Variants in RGS3 observed in about 807,000 individuals in gnomAD.
RGS3 encodes the protein regulator of G-protein signalling 3.
In RGS3, 80 loss-of-function variants were observed where a neutral mutation model predicts 132.6. The observed-to-expected ratio is 0.60, with a 90% CI of 0.50 to 0.73. The LOEUF is 0.73. Ranked by LOEUF, RGS3 falls within the 30% of genes least tolerant of loss-of-function variation. The pLI is 0.00. For synonymous variants in RGS3, 598 were observed against 620.6 expected (o/e 0.96, Z 0.54); for missense variants, 1,382 against 1,530.8 (o/e 0.90, Z 1.62).
chr9:113,569,892 G>A (rs1051371054), intron 19 of RGS3, among the ~76,000 whole-genome samples: 2 of 152,098 alleles, frequency 1.3e-5, no homozygotes, highest in African/African-American at 2.4e-5. Context: ...GCATGTGATT[G>A]TACAGATGCT....
chr9:113,511,355 T>G (rs952236275), intron 14 of RGS3, among the ~76,000 whole-genome samples: 5 of 151,688 alleles, frequency 3.3e-5, no homozygotes, highest in Admixed American at 2.6e-4. Context: ...AGTAAATGAG[T>G]TTGCCTTCAC....
At chr9:113,540,566 A>G (rs1832860286) in intron 19 of RGS3, among the ~76,000 whole-genome samples, 1 of 152,144 alleles carries the variant, frequency 6.6e-6, no homozygotes. Context: ...AGTACCCTTC[A>G]TGTGCCTGGT....
intron 7 of RGS3, among the ~76,000 whole-genome samples, chr9:113,494,062 A>G (rs1251884449): frequency 5.3e-5 from 8 of 152,098 alleles, no homozygotes; most frequent in Non-Finnish European, 7.4e-5. Context: ...TTCTTGATTA[A>G]TAGTTATTAA....
intron 17 of RGS3, among the ~76,000 whole-genome samples, chr9:113,525,503 C>T (rs148776652): frequency 7.9e-5 from 12 of 152,228 alleles, no homozygotes; most frequent in African/African-American, 2.9e-4. Flanking sequence ...TTAAGGGATG[C>T]ATTTGGGACC....
Position 113,591,361 on chromosome 9 carries a change from A to G in RGS3, c.3044A>G (p.Asp1015Gly). ...AGCGGGGCTGACACCGTTGGGGATG[A>G]TGACGAAGCCTCCCGGAAGAGAAAG... is the stretch of plus-strand genomic sequence containing the variant. The change falls in exon 21 of 25, where the codon GAT becomes GGT. Residue 1015 changes from aspartate (D) to glycine (G), a missense_variant. Asp to Gly is a moderately conservative substitution (Grantham distance 94). Transcript: ENST00000350696. This position sits in a 1 kb window ranked among gnomAD's most constrained non-coding sequence, Gnocchi z 4.4. 1.2e-6 allele frequency: 2 copies of G among 1,613,710 alleles called. No individual in the cohort carries two copies. Among genetic ancestry groups the G allele is most frequent in the East Asian group, 2.2e-5 (1 of 44,880 alleles).
intron 11 of RGS3, 37 bp downstream of exon 9, chr9:113,505,560 CCACCA>C: frequency 3.9e-6 from 6 of 1,540,374 alleles, no homozygotes; most frequent in Non-Finnish European, 5.4e-6. Flanking sequence ...CCCCACTTGC[CCACCA>C]CACATGTGGG....
At chr9:113,542,913 C>T (rs1330107298) in intron 19 of RGS3, among the ~76,000 whole-genome samples, 1 of 152,194 alleles carries the variant, frequency 6.6e-6, no homozygotes, top group East Asian at 1.9e-4. Context: ...CTGGGGGTGG[C>T]CTAGCAGCTC....
Position 113,463,722 on chromosome 9 carries a change from G to A in RGS3, c.415+1521G>A. ...CCTACCTCCCGCTCGCGCTCCTCCCGCCCTGGAGACTCCGGTTACTGGGGA... is the reference window on the plus strand; with the variant it reads ...CCTACCTCCCGCTCGCGCTCCTCCCACCCTGGAGACTCCGGTTACTGGGGA... On this transcript the variant is annotated intron_variant, in intron 3 of 24. Transcript: ENST00000350696. The surrounding 1 kb of genome is among the most constrained non-coding windows in gnomAD (Gnocchi z 4.6). 4 of 1,496,684 alleles carry A rather than the reference G, an allele frequency of 2.7e-6. No individual in the cohort carries two copies. Among genetic ancestry groups the A allele is most frequent in the South Asian group, 1.3e-5 (1 of 74,944 alleles). The allele number at this position is 1,496,684 out of a possible 1,614,324, so 92.7% of individuals were successfully genotyped here.
At chr9:113,533,661 A>G (rs1832564685) in intron 18 of RGS3, among the ~76,000 whole-genome samples, 1 of 152,208 alleles carries the variant, frequency 6.6e-6, no homozygotes, top group Non-Finnish European at 1.5e-5. Context: ...AGCCCACCCA[A>G]CTGGGTAGAA....
At chr9:113,527,538 C>T (rs1832268409) in intron 17 of RGS3, among the ~76,000 whole-genome samples, 1 of 152,248 alleles carries the variant, frequency 6.6e-6, no homozygotes, top group Non-Finnish European at 1.5e-5. Context: ...CCTCCCTCCC[C>T]AGTCCATCGC....
intron 1 of RGS3, among the ~76,000 whole-genome samples, chr9:113,461,143 T>C (rs1829461974): frequency 6.6e-6 from 1 of 152,096 alleles, no homozygotes; most frequent in Non-Finnish European, 1.5e-5. Flanking sequence ...GTACATGGGA[T>C]ATGTTGAGGT....
intron 17 of RGS3, among the ~76,000 whole-genome samples, chr9:113,523,828 T>G (rs1588199452): frequency 6.6e-6 from 1 of 152,206 alleles, no homozygotes; most frequent in South Asian, 2.1e-4. Flanking sequence ...AGAATTCTGT[T>G]TTGGTGGGGT....
intron 20 of RGS3, among the ~76,000 whole-genome samples, chr9:113,590,725 T>G (rs1374391229): frequency 6.6e-6 from 1 of 152,070 alleles, no homozygotes; most frequent in Admixed American, 6.5e-5. Flanking sequence ...GCTGGAGAGA[T>G]AACTGAAGGA....
chr9:113,544,673 C>G (rs1833036875), intron 19 of RGS3, among the ~76,000 whole-genome samples: 1 of 152,184 alleles, frequency 6.6e-6, no homozygotes, highest in Admixed American at 6.5e-5. Flanking sequence ...ATGATCTCCC[C>G]CCAGCCTCCC....
intron 1 of RGS3, among the ~76,000 whole-genome samples, chr9:113,454,689 T>G (rs936667014): frequency 6.7e-6 from 1 of 150,262 alleles, no homozygotes; most frequent in Admixed American, 6.6e-5. Context: ...TAAACTTTTT[T>G]TTTTTTTTTT....
intron 18 of RGS3, among the ~76,000 whole-genome samples, chr9:113,534,011 C>T (rs1352753154): frequency 6.6e-6 from 1 of 152,220 alleles, no homozygotes; most frequent in African/African-American, 2.4e-5. Context: ...TCCCCAGATG[C>T]TCTTAGGAAG....
intron 18 of RGS3, among the ~76,000 whole-genome samples, chr9:113,529,962 T>A (rs1423130408): frequency 1.3e-5 from 2 of 152,242 alleles, no homozygotes; most frequent in Admixed American, 6.5e-5. Flanking sequence ...TCCTTGAAGA[T>A]GAAAAAGTTG....
Position 113,497,326 on chromosome 9 carries a change from TG to T in RGS3, c.765del (p.Trp255CysfsTer5). 1 of 1,612,666 alleles carries T rather than the reference TG, an allele frequency of 6.2e-7. No homozygotes were observed. Among genetic ancestry groups the T allele is most frequent in the Non-Finnish European group, 8.5e-7 (1 of 1,179,288 alleles). On this transcript the variant is annotated frameshift_variant, in exon 9 of 25. Transcript: ENST00000350696. LOFTEE classifies it high-confidence loss of function. The stretch of plus-strand genomic sequence containing the variant: ...TCTCTCGTGACAGGAGATCAGTGGT[TG>T]GTACTACCTCCTAGGGGAGCACCTG...
At chr9:113,561,140 C>T (rs1178619333) in intron 19 of RGS3, among the ~76,000 whole-genome samples, 1 of 152,170 alleles carries the variant, frequency 6.6e-6, no homozygotes, top group Non-Finnish European at 1.5e-5. Context: ...TCTTGTGCCT[C>T]AGCCTCCCAA....
Sources: allele counts gnomAD v4.1 joint callset (sites outside exome capture counted in the v4.1 genomes callset), GRCh38; gene constraint gnomAD v4.1.1; non-coding constraint Gnocchi (gnomAD v3.1); transcripts MANE v1.5; gene names NCBI Gene and HGNC (gene_info 2026-07-23, HGNC 2026-07-21).